Variants in PLAC8L1 observed in about 807,000 individuals in gnomAD.
The protein encoded by PLAC8L1 is PLAC8 like 1, also known as PLAC8-like protein 1.
PLAC8L1 carries 13 observed loss-of-function variants against 16.3 expected under a neutral mutation model. The observed-to-expected ratio is 0.80, with a 90% confidence interval of 0.52 to 1.27. The LOEUF (loss-of-function observed/expected upper bound fraction) is 1.27, where lower values mean the gene tolerates loss of function less well. PLAC8L1 is among the 50% of genes most tolerant of loss of function. PLAC8L1 has a pLI of 0.00. For missense variants in PLAC8L1, 184 were observed against 220.2 expected, an observed-to-expected ratio of 0.84 and a Z score of 1.04; for synonymous variants, 78 against 79.3, an observed-to-expected ratio of 0.98 and a Z score of 0.09.
At chr5:146,088,854 A>G (rs985007496) in intron 2 of PLAC8L1, among the ~76,000 whole-genome samples, 3 of 152,224 alleles carry the variant, frequency 2.0e-5, no homozygotes, top group Non-Finnish European at 2.9e-5. Context: ...GAGAGTACAG[A>G]GTACTCACAC....
chr5:146,086,544 T>A (rs1763520621), intron 2 of PLAC8L1, among the ~76,000 whole-genome samples: 1 of 152,248 alleles, frequency 6.6e-6, no homozygotes, highest in Non-Finnish European at 1.5e-5. Context: ...GTTTTCTACA[T>A]ATTCTGCATG....
chr5:146,084,601 G>A, intron 3 of PLAC8L1, 29 bp from the exon 4 acceptor site: 1 of 1,611,598 alleles, frequency 6.2e-7, no homozygotes, highest in Non-Finnish European at 8.5e-7. Context: ...CTGTTCTGTT[G>A]TAGTCACACA....
At chr5:146,103,112 G>A (rs1763848678) in intron 1 of PLAC8L1, among the ~76,000 whole-genome samples, 1 of 152,146 alleles carries the variant, frequency 6.6e-6, no homozygotes, top group Non-Finnish European at 1.5e-5. Flanking sequence ...CAGCCACAAG[G>A]GAGACTGAGG....
chr5:146,085,318 T>A, intron 3 of PLAC8L1, 143 bp downstream of exon 3: 1 of 847,356 alleles, frequency 1.2e-6, no homozygotes, highest in East Asian at 2.7e-5. Flanking sequence ...TTTAAATGTA[T>A]TTCCTTTCTC....
chr5:146,104,401 C>T lies in PLAC8L1; in HGVS notation c.-90G>A. 1.0e-6 allele frequency: 1 copy of T among 987,146 alleles called. No individual in the cohort carries two copies. 61.1% of individuals were successfully genotyped at this position (987,146 alleles called of 1,614,324 possible). A position where few individuals can be genotyped will look rare whatever the true frequency, so the allele number is the denominator to read the frequency against. ...AACTTCGGATTAGTCCAAAGTGAAA[C>T]ATCTCTTGAAAGAATGTTCCCTTAA... On this transcript the variant is annotated 5_prime_UTR_variant, in exon 1 of 4. An upstream start codon of the reference 5' UTR is lost. Transcript: ENST00000311450.
At chr5:146,085,420 C>A in intron 3 of PLAC8L1, 41 bp downstream of exon 3, 1 of 1,577,508 alleles carries the variant, frequency 6.3e-7, no homozygotes. Flanking sequence ...TCTAGGTTTT[C>A]ATACAGATTC....
chr5:146,084,556 T>C lies in PLAC8L1; in HGVS notation c.410A>G (p.Asp137Gly). ...RHKIQGTLCEDWLAVHCCWAF... is the reference protein window; with the variant it reads ...RHKIQGTLCEGWLAVHCCWAF... The stretch of plus-strand genomic sequence containing the variant: ...CCAACAGCAGTGCACCGCCAGCCAG[T>C]CTTCACACAGTGTGCCCTAGGGCAA... Residue 137 changes from aspartate (D) to glycine (G), a missense_variant, in exon 4 of 4, where the codon GAC becomes GGC. Physicochemically the swap from Asp to Gly is moderately conservative, Grantham distance 94 (BLOSUM62 -1). Coordinates refer to ENST00000311450, the MANE Select transcript of PLAC8L1 (RefSeq NM_001029869.3). The C allele has an allele frequency of 6.2e-7, 1 of 1,613,812 alleles. No homozygotes were observed.
chr5:146,089,742 T>TC (rs934646519), intron 2 of PLAC8L1, among the ~76,000 whole-genome samples: 16 of 90,216 alleles, frequency 1.8e-4, no homozygotes, highest in African/African-American at 4.2e-4. Context: ...TTCTTCTTCT[T>TC]TTTTTTTTTT....
At chr5:146,103,668 G>A in intron 1 of PLAC8L1, 1 of 985,360 alleles carries the variant, frequency 1.0e-6, no homozygotes, top group Non-Finnish European at 1.2e-6. Flanking sequence ...GTTAAAGTTT[G>A]ATGGATGAGA....
intron 1 of PLAC8L1, among the ~76,000 whole-genome samples, chr5:146,103,222 T>C (rs942797449): frequency 1.4e-4 from 21 of 152,154 alleles, no homozygotes; most frequent in Non-Finnish European, 2.6e-4. Context: ...TGCAGTAGTG[T>C]GATCTTGGTT....
At chr5:146,104,040 G>A in intron 1 of PLAC8L1, 153 bp downstream of exon 1, 1 of 985,384 alleles carries the variant, frequency 1.0e-6, no homozygotes, top group Non-Finnish European at 1.2e-6. Context: ...GAACAAATCA[G>A]TTGCCCTCTT....
At chr5:146,086,022 G>GTTTT (rs1561781679) in intron 2 of PLAC8L1, among the ~76,000 whole-genome samples, 4 of 111,022 alleles carry the variant, frequency 3.6e-5, no homozygotes, top group Admixed American at 9.8e-5. Context: ...TAATTGAAAG[G>GTTTT]TCTTTTTTTT....
chr5:146,095,021 G>A (rs67829086), intron 2 of PLAC8L1, among the ~76,000 whole-genome samples: 33,841 of 152,082 alleles, frequency 0.22, 4,820 homozygotes, highest in Admixed American at 0.34. Flanking sequence ...CCAATTAAAA[G>A]TCTTTCTAAA....
In PLAC8L1 at chr5:146,089,407, C is replaced by T. The variant is rs187893240; in HGVS notation, c.257-3810G>A. On this transcript the variant is annotated intron_variant, in intron 2 of 3. Transcript: ENST00000311450. ...TATGTACCAAGCCCTGTTAAAATCACTCTGCACTTATTAACTCATTTAATC... is the reference window on the plus strand; with the variant it reads ...TATGTACCAAGCCCTGTTAAAATCATTCTGCACTTATTAACTCATTTAATC... 1.4e-3 allele frequency among the ~76,000 whole-genome samples: 213 copies of T among 152,254 alleles called. 2 individuals carry two copies. The highest frequency in any genetic ancestry group is 4.8e-3 in the African/African-American group (201 of 41,538).
chr5:146,103,379 G>T lies in PLAC8L1; in HGVS notation c.119+814C>A, dbSNP rs561752634. On this transcript the variant is annotated intron_variant, in intron 1 of 3. Coordinates refer to ENST00000311450, the MANE Select transcript of PLAC8L1 (RefSeq NM_001029869.3). ...TCACCATGTTGGCTAGGCTGGTCTC[G>T]AATTCCTGACTTCAGGTGATCTGCC... 5.9e-5 allele frequency among the ~76,000 whole-genome samples: 9 copies of T among 152,098 alleles called. No individual in the cohort carries two copies. The East Asian group carries it at 1.7e-3, about 30-fold the overall frequency.
chr5:146,091,916 T>C (rs982291976), intron 2 of PLAC8L1, among the ~76,000 whole-genome samples: 1 of 152,150 alleles, frequency 6.6e-6, no homozygotes, highest in Non-Finnish European at 1.5e-5. Flanking sequence ...CTTTTTTTTT[T>C]AAGAAGCTCA....
intron 2 of PLAC8L1, among the ~76,000 whole-genome samples, chr5:146,088,617 G>A (rs975274183): frequency 6.6e-6 from 1 of 152,210 alleles, no homozygotes; most frequent in Admixed American, 6.5e-5. Flanking sequence ...GATGGGGGCA[G>A]AGAAGGAACA....
At chr5:146,090,042 C>T (rs1763585659) in intron 2 of PLAC8L1, among the ~76,000 whole-genome samples, 1 of 151,836 alleles carries the variant, frequency 6.6e-6, no homozygotes, top group African/African-American at 2.4e-5. Flanking sequence ...CCAGCCTCAA[C>T]TTCTTTAAGG....
Position 146,104,273 on chromosome 5 carries a change from C to T in PLAC8L1, c.39G>A (p.Glu13=). ...AGTATATGTTGAGTAAGGAAAGATC[C>T]TCAGGACACCTGAAGAAGTTACTTC... is the stretch of plus-strand genomic sequence containing the variant. The part of the protein sequence containing the change: ...WFGSNFFRCP[E]DLSLLNIYSP... The change falls in exon 1 of 4, where the codon GAG becomes GAA. Residue 13 remains glutamate, a synonymous_variant. Transcript: ENST00000311450. 2 of 1,613,582 alleles carry T rather than the reference C, an allele frequency of 1.2e-6. No homozygotes were observed. Among genetic ancestry groups the T allele is most frequent in the Non-Finnish European group, 1.7e-6 (2 of 1,179,570 alleles).
Sources: allele counts gnomAD v4.1 joint callset (sites outside exome capture counted in the v4.1 genomes callset), GRCh38; gene constraint gnomAD v4.1.1; transcripts MANE v1.5; gene names NCBI Gene and HGNC (gene_info 2026-07-23, HGNC 2026-07-21).